The following PPP1R36 variants were observed in gnomAD, a reference collection of about 807,000 sequenced individuals.
The protein encoded by PPP1R36 is chromosome 14 open reading frame 50.
PPP1R36 carries 47 observed loss-of-function variants against 53.4 expected under a neutral mutation model. The observed-to-expected ratio is 0.88, with a 90% CI of 0.70 to 1.12. The LOEUF (loss-of-function observed/expected upper bound fraction) is 1.12, where lower values mean the gene tolerates loss of function less well. Among genes scored for constraint, PPP1R36 ranks in the 50% most tolerant of loss-of-function variants. The pLI, the probability that PPP1R36 is intolerant of heterozygous loss-of-function variation, is 0.00. For synonymous variants in PPP1R36, 153 were observed against 170.5 expected (o/e 0.90, Z 0.80); for missense variants, 456 against 513.9 (o/e 0.89, Z 1.09).
intron 3 of PPP1R36, among the ~76,000 whole-genome samples, chr14:64,557,797 T>C (rs1315488802): frequency 6.6e-6 from 1 of 152,030 alleles, no homozygotes; most frequent in Non-Finnish European, 1.5e-5. Flanking sequence ...GATCATGAAG[T>C]CAGGAGTTCA....
chr14:64,576,733 T>A (rs991111997), intron 8 of PPP1R36, among the ~76,000 whole-genome samples: 3 of 152,200 alleles, frequency 2.0e-5, no homozygotes, highest in Non-Finnish European at 2.9e-5. Context: ...GTGTGATTTT[T>A]CATGATTTGG....
At chr14:64,576,852 G>A (rs2080345618) in intron 8 of PPP1R36, among the ~76,000 whole-genome samples, 1 of 152,190 alleles carries the variant, frequency 6.6e-6, no homozygotes, top group Non-Finnish European at 1.5e-5. Context: ...GAGTTGACAA[G>A]TTTGGTTCTG....
intron 8 of PPP1R36, 35 bp downstream of exon 8, chr14:64,574,624 T>A: frequency 6.3e-7 from 1 of 1,584,258 alleles, no homozygotes; most frequent in East Asian, 2.2e-5. Context: ...AGATCATCAC[T>A]CCATCATAGA....
chr14:64,587,428 C>G, intron 10 of PPP1R36, 56 bp downstream of exon 10: 3 of 277,408 alleles, frequency 1.1e-5, no homozygotes, highest in Non-Finnish European at 1.8e-5. Context: ...CCTTTCCTTT[C>G]TTTTCTTTTC....
At chr14:64,578,953 T>C (rs1236188918) in intron 8 of PPP1R36, among the ~76,000 whole-genome samples, 1 of 152,272 alleles carries the variant, frequency 6.6e-6, no homozygotes, top group Non-Finnish European at 1.5e-5. Flanking sequence ...TCATGCCTTC[T>C]GTGGGAACAT....
intron 3 of PPP1R36, among the ~76,000 whole-genome samples, chr14:64,553,278 T>G (rs539592346): frequency 8.2e-4 from 125 of 152,338 alleles, no homozygotes; most frequent in Non-Finnish European, 1.4e-3. Flanking sequence ...AAACTAATTT[T>G]CAGTGCTAAT....
At chr14:64,560,685 G>A (rs1050394493) in intron 3 of PPP1R36, among the ~76,000 whole-genome samples, 1 of 152,174 alleles carries the variant, frequency 6.6e-6, no homozygotes, top group African/African-American at 2.4e-5. Flanking sequence ...ATTTTCCAGC[G>A]TGAGCACCTG....
chr14:64,577,891 A>G (rs1430931369), intron 8 of PPP1R36, among the ~76,000 whole-genome samples: 1 of 151,478 alleles, frequency 6.6e-6, no homozygotes, highest in Admixed American at 6.6e-5. Flanking sequence ...ACGCCCGGCT[A>G]ATTTTTTGTA....
At chr14:64,574,816 T>C (rs879809152) in intron 8 of PPP1R36, among the ~76,000 whole-genome samples, 3 of 152,204 alleles carry the variant, frequency 2.0e-5, no homozygotes, top group Non-Finnish European at 4.4e-5. Flanking sequence ...TTTAAAACTT[T>C]CCACTGCTTG....
Position 64,565,350 on chromosome 14 carries a change from A to C in PPP1R36, c.270-7A>C, listed in dbSNP as rs1212303334. 2.5e-6 allele frequency: 4 copies of C among 1,604,868 alleles called. No individual in the cohort carries two copies. Among genetic ancestry groups the C allele is most frequent in the Non-Finnish European group, 3.4e-6 (4 of 1,173,466 alleles). On this transcript the variant is annotated splice_polypyrimidine_tract_variant and splice_region_variant and intron_variant, in intron 4 of 11. Transcript: ENST00000298705. ...ACACTACTAGAAACTGTTATATTCC[A>C]AAACAGGTTGACAGATAAAAGACTT...
intron 10 of PPP1R36, among the ~76,000 whole-genome samples, chr14:64,587,761 C>T (rs562820857): frequency 1.3e-5 from 2 of 151,800 alleles, no homozygotes; most frequent in African/African-American, 4.8e-5. Context: ...CATGCCCAGC[C>T]TCCTCTTTTT....
chr14:64,562,598 C>T (rs1490040762), intron 3 of PPP1R36, among the ~76,000 whole-genome samples: 8 of 152,114 alleles, frequency 5.3e-5, no homozygotes, highest in Admixed American at 5.2e-4. Context: ...AGAATGACTT[C>T]AGTGAAGTGA....
At chr14:64,551,659 T>A in intron 2 of PPP1R36, 1 of 456,258 alleles carries the variant, frequency 2.2e-6, no homozygotes. Flanking sequence ...TCAGGGAGAT[T>A]AAGCAACTGA....
intron 3 of PPP1R36, among the ~76,000 whole-genome samples, chr14:64,557,246 A>G (rs1475088194): frequency 6.6e-6 from 1 of 152,196 alleles, no homozygotes; most frequent in Non-Finnish European, 1.5e-5. Flanking sequence ...AGTCAATTTC[A>G]TATCTATACC....
At chr14:64,560,673 C>A (rs1198804539) in intron 3 of PPP1R36, among the ~76,000 whole-genome samples, 1 of 152,106 alleles carries the variant, frequency 6.6e-6, no homozygotes, top group Admixed American at 6.5e-5. Context: ...AAGGAAGACA[C>A]CATTTTCCAG....
chr14:64,562,084 C>T (rs560457991), intron 3 of PPP1R36: 1 of 263,670 alleles, frequency 3.8e-6, no homozygotes, highest in Non-Finnish European at 7.6e-6. Flanking sequence ...CTACCTTGTA[C>T]TCTGGGAGAT....
intron 8 of PPP1R36, among the ~76,000 whole-genome samples, chr14:64,579,305 A>T (rs892303815): frequency 7.2e-5 from 11 of 152,352 alleles, no homozygotes; most frequent in African/African-American, 2.6e-4. Flanking sequence ...GGACAAGAGC[A>T]TATATAAACT....
intron 3 of PPP1R36, 101 bp downstream of exon 3, chr14:64,552,962 A>G: frequency 8.8e-7 from 1 of 1,131,286 alleles, no homozygotes; most frequent in Non-Finnish European, 1.3e-6. Flanking sequence ...GTGTGTATAA[A>G]TATTAAGTGC....
intron 11 of PPP1R36, chr14:64,588,555 A>AT (rs34440209): frequency 0.51 from 75,566 of 149,580 alleles, 20,583 homozygotes; most frequent in South Asian, 0.63. Flanking sequence ...TGAGTAACTG[A>AT]TTTTTTTTTT....
Sources: allele counts gnomAD v4.1 joint callset (sites outside exome capture counted in the v4.1 genomes callset), GRCh38; gene constraint gnomAD v4.1.1; transcripts MANE v1.5; gene names NCBI Gene and HGNC (gene_info 2026-07-23, HGNC 2026-07-21).